CMYA5: variants seen among roughly 807,000 people sequenced by gnomAD.
CMYA5 encodes the protein cardiomyopathy-associated protein 5.
CMYA5 carries 246 observed loss-of-function variants against 318.9 expected under a neutral mutation model. The ratio of observed to expected loss-of-function variants is 0.77; its 90% CI spans 0.70 to 0.86. The LOEUF is 0.86. Ranked by LOEUF, CMYA5 falls within the 40% of genes least tolerant of loss-of-function variation. CMYA5 has a pLI of 0.00. For synonymous variants in CMYA5, 1,641 were observed against 1,729.5 expected (o/e 0.95, Z 1.27); for missense variants, 4,589 against 4,678.2 (o/e 0.98, Z 0.56).
In CMYA5 at chr5:79,795,480, T is replaced by C. The variant is rs199680485; in HGVS notation, c.11963+1870T>C. On this transcript the variant is annotated intron_variant, in intron 12 of 12. Coordinates refer to ENST00000446378, the MANE Select transcript of CMYA5 (RefSeq NM_153610.5). ...TTCCTGTCCATTCCTAAACTTGCCA[T>C]GCTAGCTCAAGGCTTCCGCACCTCC... is the stretch of plus-strand genomic sequence containing the variant. Among the ~76,000 whole-genome samples, 15 of 152,300 alleles carry C rather than the reference T, an allele frequency of 9.8e-5. No homozygotes were observed. The East Asian group carries it at 2.9e-3, about 29-fold the overall frequency.
At chr5:79,778,815 G>GTGTGTGTGTGTGTGTA (rs1561228873) in intron 9 of CMYA5, among the ~76,000 whole-genome samples, 38 of 106,040 alleles carry the variant, frequency 3.6e-4, no homozygotes, top group East Asian at 1.1e-3. Context: ...CTCTTTCTGT[G>GTGTGTGTGTGTGTGTA]TGTGTGTGTG....
chr5:79,746,510 A>G (rs1828325020), intron 4 of CMYA5, among the ~76,000 whole-genome samples: 1 of 151,142 alleles, frequency 6.6e-6, no homozygotes, highest in Non-Finnish European at 1.5e-5. Flanking sequence ...TTCTGTAAGA[A>G]TAAGAATAAT....
chr5:79,760,963 A>G (rs1194068784), intron 7 of CMYA5, among the ~76,000 whole-genome samples: 1 of 152,186 alleles, frequency 6.6e-6, no homozygotes, highest in Admixed American at 6.5e-5. Flanking sequence ...TCTTTTAAAG[A>G]AACAGTCTGG....
intron 5 of CMYA5, among the ~76,000 whole-genome samples, chr5:79,748,950 C>G (rs1828383432): frequency 6.6e-6 from 1 of 152,256 alleles, no homozygotes; most frequent in East Asian, 1.9e-4. Flanking sequence ...ATGGAAGTTA[C>G]TGCTCAGTAA....
intron 1 of CMYA5, among the ~76,000 whole-genome samples, chr5:79,702,636 C>T (rs903286841): frequency 1.3e-5 from 2 of 151,972 alleles, no homozygotes; most frequent in African/African-American, 4.8e-5. Context: ...GCTTTAGGGG[C>T]ATGGGGTGTC....
chr5:79,714,643 T>C (rs1450913615), intron 1 of CMYA5, among the ~76,000 whole-genome samples: 1 of 151,998 alleles, frequency 6.6e-6, no homozygotes, highest in Non-Finnish European at 1.5e-5. Context: ...TCTCACTATG[T>C]TGCTTGGGCT....
In CMYA5 at chr5:79,737,638, C is replaced by A. The variant is rs769059194; in HGVS notation, c.8873C>A (p.Ala2958Asp). Residue 2958 changes from alanine to aspartate, a missense_variant, in exon 2 of 13, where the codon GCT becomes GAT. This residue lies in a region of CMYA5 where 2,431 missense variants were observed against 2,495.1 expected (regional missense o/e 0.97). Coordinates refer to ENST00000446378, the MANE Select transcript of CMYA5 (RefSeq NM_153610.5). Reference sequence around the variant, plus strand: ...GGCTGTGAGATATTGAATATTCATGCTCCGGCCTTTATTTCTTCAATCGAT... The same window carrying A: ...GGCTGTGAGATATTGAATATTCATGATCCGGCCTTTATTTCTTCAATCGAT... Reference protein sequence around the residue: ...SEGCEILNIHAPAFISSIDQE... With the variant: ...SEGCEILNIHDPAFISSIDQE... The A allele has an allele frequency of 3.1e-6, 5 of 1,613,512 alleles. No individual in the cohort carries two copies. The South Asian group carries it at 5.5e-5, about 18-fold the overall frequency.
chr5:79,762,253 C>G, intron 8 of CMYA5: 1 of 289,178 alleles, frequency 3.5e-6, no homozygotes, highest in Non-Finnish European at 6.4e-6. Context: ...GGGGCAGGGG[C>G]AGGATCGGAA....
At position 79,730,827 on chromosome 5, in the gene CMYA5, G is replaced by A. The variant is rs1444804417; in HGVS notation, c.2062G>A (p.Gly688Arg). Residue 688 changes from glycine to arginine, a missense_variant, in exon 2 of 13, where the codon GGG becomes AGG. By Grantham distance (125) the Gly-to-Arg change is moderately radical (BLOSUM62 -2). This residue lies in a region of CMYA5 where 2,132 missense variants were observed against 2,131.3 expected (regional missense o/e 1.00). Coordinates refer to ENST00000446378, the MANE Select transcript of CMYA5 (RefSeq NM_153610.5). Reference sequence around the variant, plus strand: ...ATCAGGAGACGAGGCCTCAGAAAGTGGGTGTTACACACCAGACTCCACATC... The same window carrying A: ...ATCAGGAGACGAGGCCTCAGAAAGTAGGTGTTACACACCAGACTCCACATC... ...VLSGDEASES[G>R]CYTPDSTSAS... is the part of the protein sequence containing the mutation. 1 of 1,613,918 alleles carries A rather than the reference G, an allele frequency of 6.2e-7. No individual in the cohort carries two copies. The highest frequency in any genetic ancestry group is 8.5e-7 in the Non-Finnish European group (1 of 1,179,858).
chr5:79,776,597 C>T (rs1385832077), intron 9 of CMYA5, among the ~76,000 whole-genome samples: 1 of 152,096 alleles, frequency 6.6e-6, no homozygotes, highest in Non-Finnish European at 1.5e-5. Context: ...GATTCAAAGG[C>T]CCCTCTTAAG....
chr5:79,770,181 T>C (rs897006063), intron 9 of CMYA5, among the ~76,000 whole-genome samples: 1 of 152,196 alleles, frequency 6.6e-6, no homozygotes, highest in Admixed American at 6.5e-5. Context: ...CCAGATTGAC[T>C]TCAGACTGCT....
intron 1 of CMYA5, among the ~76,000 whole-genome samples, chr5:79,697,383 T>C (rs1827087852): frequency 6.6e-6 from 1 of 152,052 alleles, no homozygotes; most frequent in Non-Finnish European, 1.5e-5. Context: ...GTAATGAGAG[T>C]CTGGCAAGAC....
In CMYA5 at chr5:79,734,313, G is replaced by A. The variant is rs776959713; in HGVS notation, c.5548G>A (p.Gly1850Ser). The A allele has an allele frequency of 3.1e-6, 5 of 1,613,694 alleles. No homozygotes were observed. The South Asian group carries it at 4.4e-5, about 14-fold the overall frequency. ...STSSEDKQDL[G>S]IKQFSLMREN... ...CTCTTCTGAAGATAAACAAGATCTG[G>A]GTATTAAGCAGTTTTCACTTATGAG... The change falls in exon 2 of 13, where the codon GGT becomes AGT. Residue 1850 changes from glycine to serine, a missense_variant. Gly to Ser is a moderately conservative substitution (Grantham distance 56). Transcript: ENST00000446378.
intron 1 of CMYA5, among the ~76,000 whole-genome samples, chr5:79,704,486 G>A (rs777388162): frequency 1.3e-5 from 2 of 152,076 alleles, no homozygotes; most frequent in Non-Finnish European, 2.9e-5. Context: ...ATCAAAGCAA[G>A]TCATGCCAAC....
At chr5:79,744,736 A>T (rs529784960) in intron 3 of CMYA5, among the ~76,000 whole-genome samples, 1 of 152,300 alleles carries the variant, frequency 6.6e-6, no homozygotes, top group South Asian at 2.1e-4. Context: ...AGGCATCTGG[A>T]TGTGTCTGGA....
intron 1 of CMYA5, among the ~76,000 whole-genome samples, chr5:79,714,584 T>C (rs1008169833): frequency 3.3e-5 from 5 of 151,906 alleles, no homozygotes; most frequent in South Asian, 2.1e-4. Context: ...ACTGTAGGCA[T>C]GTGCCACCAT....
At position 79,789,121 on chromosome 5, in the gene CMYA5, A is replaced by G; in HGVS notation, c.11689+17A>G. On this transcript the variant is annotated intron_variant, in intron 10 of 12. Coordinates refer to ENST00000446378, the MANE Select transcript of CMYA5 (RefSeq NM_153610.5). ...CCACCAGAGGTACTTTCTCCTTTGC[A>G]CACAGTGAGCTATTTCCAAGCTATT... is the stretch of plus-strand genomic sequence containing the variant. 1 of 1,613,272 alleles carries G rather than the reference A, an allele frequency of 6.2e-7. No homozygotes were observed. Among genetic ancestry groups the G allele is most frequent in the East Asian group, 2.2e-5 (1 of 44,826 alleles).
intron 1 of CMYA5, among the ~76,000 whole-genome samples, chr5:79,716,663 C>T (rs2162805): frequency 5.3e-5 from 8 of 152,130 alleles, no homozygotes; most frequent in Non-Finnish European, 1.0e-4. Context: ...TACTCCTACA[C>T]TCTTGTATAG....
Position 79,735,581 on chromosome 5 carries a change from A to G in CMYA5, c.6816A>G (p.Val2272=). Residue 2272 remains valine (V), a synonymous_variant, in exon 2 of 13, where the codon GTA becomes GTG. Transcript: ENST00000446378. ...VKEKSMILSN[V]EDLQQPKFIS... is the part of the protein sequence containing the mutation. ...AAAAATCCATGATTTTATCAAATGT[A>G]GAAGATTTACAACAGCCAAAATTCA... The G allele has an allele frequency of 2.5e-6, 4 of 1,613,394 alleles. No individual in the cohort carries two copies. Among genetic ancestry groups the G allele is most frequent in the Non-Finnish European group, 3.4e-6 (4 of 1,179,702 alleles).
Sources: allele counts gnomAD v4.1 joint callset (sites outside exome capture counted in the v4.1 genomes callset), GRCh38; gene constraint gnomAD v4.1.1; regional missense constraint gnomAD v4.1.1; transcripts MANE v1.5; gene names NCBI Gene and HGNC (gene_info 2026-07-23, HGNC 2026-07-21).